Variants in ATXN10 observed in about 807,000 individuals in gnomAD.
ATXN10 encodes ataxin-10.
A neutral mutation model predicts 52.9 loss-of-function variants in ATXN10; 28 were observed. The ratio of observed to expected loss-of-function variants is 0.53; its 90% CI spans 0.39 to 0.73. The LOEUF (loss-of-function observed/expected upper bound fraction) is 0.73. Among genes scored for constraint, ATXN10 ranks in the 30% least tolerant of loss-of-function variants. The probability of loss-of-function intolerance (pLI) is 0.00; values close to 1 mark genes in which losing one functional copy is unlikely to be tolerated. For synonymous variants in ATXN10, 226 were observed against 221.5 expected (o/e 1.02, Z -0.18); for missense variants, 565 against 577.0 (o/e 0.98, Z 0.21).
intron 10 of ATXN10, among the ~76,000 whole-genome samples, chr22:45,834,023 T>G (rs1478605588): frequency 6.6e-6 from 1 of 152,212 alleles, no homozygotes; most frequent in Non-Finnish European, 1.5e-5. Context: ...CATAGAGAGT[T>G]TGTGAGGATT....
At position 45,700,278 on chromosome 22, in the gene ATXN10, T is replaced by G; in HGVS notation, c.392-4T>G. 6.3e-7 allele frequency: 1 copy of G among 1,599,384 alleles called. No homozygotes were observed. On this transcript the variant is annotated splice_region_variant and splice_polypyrimidine_tract_variant and intron_variant, in intron 3 of 11. Coordinates refer to ENST00000252934, the MANE Select transcript of ATXN10 (RefSeq NM_013236.4). ...ATTTATTTATAACTTTTATATATTC[T>G]TAGCTTTTCGCTGTGGCCTGCAGTT...
In ATXN10 at chr22:45,690,263, G is replaced by T. The variant is rs1189263822; in HGVS notation, c.308+360G>T. ...ATTGCTGCAGGCTGGGCCACATTGT[G>T]AGACCCTGTCTCAGGGAAAAAAAAA... is the stretch of plus-strand genomic sequence containing the variant. On this transcript the variant is annotated intron_variant, in intron 2 of 11. Coordinates refer to ENST00000252934, the MANE Select transcript of ATXN10 (RefSeq NM_013236.4). This position sits in a 1 kb window ranked among gnomAD's most constrained non-coding sequence, Gnocchi z 4.5. 1.3e-5 allele frequency among the ~76,000 whole-genome samples: 2 copies of T among 150,608 alleles called. No homozygotes were observed. The highest frequency in any genetic ancestry group is 4.9e-5 in the African/African-American group (2 of 40,844).
intron 9 of ATXN10, among the ~76,000 whole-genome samples, chr22:45,767,622 A>G (rs573100766): frequency 6.6e-6 from 1 of 152,248 alleles, no homozygotes; most frequent in Admixed American, 6.5e-5. Flanking sequence ...GAAATCAGGT[A>G]TATGTTTTAC....
chr22:45,831,783 G>A (rs1020125024), intron 10 of ATXN10, among the ~76,000 whole-genome samples: 12 of 152,136 alleles, frequency 7.9e-5, no homozygotes, highest in African/African-American at 2.7e-4. Context: ...GACATATTGA[G>A]AGATCATTTT....
chr22:45,763,316 T>C lies in ATXN10; in HGVS notation c.1173+22778T>C, dbSNP rs1480720435. ...GAACGAGGGAACTGGCTGGAGAGACTTGGAGGGCTCCTCAGAGATGAGGCT... is the reference window on the plus strand; with the variant it reads ...GAACGAGGGAACTGGCTGGAGAGACCTGGAGGGCTCCTCAGAGATGAGGCT... On this transcript the variant is annotated intron_variant, in intron 9 of 11. Coordinates refer to ENST00000252934, the MANE Select transcript of ATXN10 (RefSeq NM_013236.4). This position sits in a 1 kb window ranked among gnomAD's most constrained non-coding sequence, Gnocchi z 6.9. Among the ~76,000 whole-genome samples, 1 of 152,122 alleles carries C rather than the reference T, an allele frequency of 6.6e-6. No individual in the cohort carries two copies. The highest frequency in any genetic ancestry group is 1.9e-4 in the East Asian group (1 of 5,184).
At chr22:45,745,109 T>C (rs1007388274) in intron 9 of ATXN10, among the ~76,000 whole-genome samples, 1 of 152,266 alleles carries the variant, frequency 6.6e-6, no homozygotes, top group Non-Finnish European at 1.5e-5. Context: ...TGTTTTGGTT[T>C]CTATTGTAAG....
rs1417116277 is a variant in ATXN10 at position 45,689,831 on chromosome 22, A to G, written c.236A>G (p.Gln79Arg). ...GTGGAAAACCTGGCTTCCAGTCTGC[A>G]GTTAATAACAGAATGCTTCAGGTGT... The part of the protein sequence containing the change: ...SQVENLASSL[Q>R]LITECFRCLR... Residue 79 changes from glutamine to arginine, a missense_variant, in exon 2 of 12, where the codon CAG becomes CGG. Physicochemically the swap from Gln to Arg is conservative, Grantham distance 43. Transcript: ENST00000252934. 2 of 1,614,220 alleles carry G rather than the reference A, an allele frequency of 1.2e-6. No homozygotes were observed. Among genetic ancestry groups the G allele is most frequent in the East Asian group, 4.5e-5 (2 of 44,886 alleles).
At chr22:45,741,574 T>A (rs1267518654) in intron 9 of ATXN10, among the ~76,000 whole-genome samples, 3 of 152,056 alleles carry the variant, frequency 2.0e-5, no homozygotes, top group Admixed American at 2.0e-4. Context: ...TGGGAGTAGA[T>A]CCATCCTCAG....
rs1395866766 is a variant in ATXN10 at position 45,690,950 on chromosome 22, A to G, written c.308+1047A>G. Among the ~76,000 whole-genome samples, 1 of 152,180 alleles carries G rather than the reference A, an allele frequency of 6.6e-6. No homozygotes were observed. Among genetic ancestry groups the G allele is most frequent in the Non-Finnish European group, 1.5e-5 (1 of 68,034 alleles). On this transcript the variant is annotated intron_variant, in intron 2 of 11. Transcript: ENST00000252934. This position sits in a 1 kb window ranked among gnomAD's most constrained non-coding sequence, Gnocchi z 4.5. ...CTTCCCTGTCACCACTGTGACGGGT[A>G]AGCTTGGGCTGGTCCAGAAGCCACT...
Position 45,701,319 on chromosome 22 carries a change from C to G in ATXN10, c.488+941C>G, listed in dbSNP as rs1193492371. On this transcript the variant is annotated intron_variant, in intron 4 of 11. Coordinates refer to ENST00000252934, the MANE Select transcript of ATXN10 (RefSeq NM_013236.4). The surrounding 1 kb of genome is among the most constrained non-coding windows in gnomAD (Gnocchi z 4.2). ...AAATGGCAGAGGTAGAGTGTAAACC[C>G]ATTGCTGCCATCTGGATCTAAAGCC... is the stretch of plus-strand genomic sequence containing the variant. Among the ~76,000 whole-genome samples the G allele has an allele frequency of 6.6e-6, 1 of 152,186 alleles. No homozygotes were observed. The highest frequency in any genetic ancestry group is 1.5e-5 in the Non-Finnish European group (1 of 68,036).
chr22:45,789,964 A>G lies in ATXN10; in HGVS notation c.1174-16995A>G, dbSNP rs541576230. ...ATTCATTCCATATTAAGATACTCCAATGAAAGGCCTACATTCATTGTAATA... is the reference window on the plus strand; with the variant it reads ...ATTCATTCCATATTAAGATACTCCAGTGAAAGGCCTACATTCATTGTAATA... On this transcript the variant is annotated intron_variant, in intron 9 of 11. Coordinates refer to ENST00000252934, the MANE Select transcript of ATXN10 (RefSeq NM_013236.4). The surrounding 1 kb of genome is among the most constrained non-coding windows in gnomAD (Gnocchi z 4.0). Among the ~76,000 whole-genome samples, 1 of 152,318 alleles carries G rather than the reference A, an allele frequency of 6.6e-6. No homozygotes were observed. The highest frequency in any genetic ancestry group is 2.4e-5 in the African/African-American group (1 of 41,574).
chr22:45,815,495 T>C (rs966180466), intron 10 of ATXN10, among the ~76,000 whole-genome samples: 14 of 152,216 alleles, frequency 9.2e-5, no homozygotes, highest in Admixed American at 2.6e-4. Flanking sequence ...ATTTATTGAG[T>C]GCTTTTGGTA....
chr22:45,837,324 A>G lies in ATXN10; in HGVS notation c.1238-5667A>G, dbSNP rs1034728916. Among the ~76,000 whole-genome samples, 6 of 152,168 alleles carry G rather than the reference A, an allele frequency of 3.9e-5. No homozygotes were observed. Among genetic ancestry groups the G allele is most frequent in the Non-Finnish European group, 7.3e-5 (5 of 68,032 alleles). ...GCCCAGGCTGCAGTGCAGTGGCGCA[A>G]TCTCGGCTCACTGCAGCCTCTGCCT... On this transcript the variant is annotated intron_variant, in intron 10 of 11. Coordinates refer to ENST00000252934, the MANE Select transcript of ATXN10 (RefSeq NM_013236.4). This position sits in a 1 kb window ranked among gnomAD's most constrained non-coding sequence, Gnocchi z 5.8.
chr22:45,742,023 G>A (rs529862277), intron 9 of ATXN10, among the ~76,000 whole-genome samples: 1 of 152,140 alleles, frequency 6.6e-6, no homozygotes, highest in African/African-American at 2.4e-5. Context: ...CAAACTCTGG[G>A]TGTCAGCTAC....
chr22:45,775,031 G>A lies in ATXN10; in HGVS notation c.1174-31928G>A, dbSNP rs1260584770. ...TTGCCTTTTCCCCATCCCTTTTTCTGGTAGTTTGTAAAACTTTAGTGTTGT... is the reference window on the plus strand; with the variant it reads ...TTGCCTTTTCCCCATCCCTTTTTCTAGTAGTTTGTAAAACTTTAGTGTTGT... On this transcript the variant is annotated intron_variant, in intron 9 of 11. Coordinates refer to ENST00000252934, the MANE Select transcript of ATXN10 (RefSeq NM_013236.4). The surrounding 1 kb of genome is among the most constrained non-coding windows in gnomAD (Gnocchi z 4.7). Among the ~76,000 whole-genome samples, 5 of 152,142 alleles carry A rather than the reference G, an allele frequency of 3.3e-5. No homozygotes were observed. Among genetic ancestry groups the A allele is most frequent in the Non-Finnish European group, 7.4e-5 (5 of 68,026 alleles).
chr22:45,758,569 T>C (rs1926259768), intron 9 of ATXN10, among the ~76,000 whole-genome samples: 1 of 152,232 alleles, frequency 6.6e-6, no homozygotes, highest in Non-Finnish European at 1.5e-5. Context: ...TCCACAACCA[T>C]GGAAGTTCCT....
At position 45,816,148 on chromosome 22, in the gene ATXN10, G is replaced by A. The variant is rs1001556624; in HGVS notation, c.1237+9126G>A. 6.6e-6 allele frequency among the ~76,000 whole-genome samples: 1 copy of A among 152,172 alleles called. No individual in the cohort carries two copies. Among genetic ancestry groups the A allele is most frequent in the Non-Finnish European group, 1.5e-5 (1 of 68,030 alleles). On this transcript the variant is annotated intron_variant, in intron 10 of 11. Coordinates refer to ENST00000252934, the MANE Select transcript of ATXN10 (RefSeq NM_013236.4). The surrounding 1 kb of genome is among the most constrained non-coding windows in gnomAD (Gnocchi z 5.8). ...CGCACCCTTAGTCCCAGCTACTCGG[G>A]AGGCTGAGGCAGGAGAATCGCTTGA...
chr22:45,673,707 G>C (rs2146718677), intron 1 of ATXN10: 1 of 152,302 alleles, frequency 6.6e-6, no homozygotes, highest in South Asian at 2.1e-4. Flanking sequence ...TACAAGAGGT[G>C]GTGGCACAGG....
Position 45,823,091 on chromosome 22 carries a change from T to G in ATXN10, c.1237+16069T>G, listed in dbSNP as rs892123593. On this transcript the variant is annotated intron_variant, in intron 10 of 11. Transcript: ENST00000252934. This position sits in a 1 kb window ranked among gnomAD's most constrained non-coding sequence, Gnocchi z 4.9. ...TAAATAGAGTAAACTGCAAAATTTTTAAGTATACATCTTGACATAAGTACA... is the reference window on the plus strand; with the variant it reads ...TAAATAGAGTAAACTGCAAAATTTTGAAGTATACATCTTGACATAAGTACA... 6.6e-6 allele frequency: 3 copies of G among 455,438 alleles called. No homozygotes were observed. The highest frequency in any genetic ancestry group is 5.1e-5 in the Admixed American group (2 of 38,888). 28.2% of individuals were successfully genotyped at this position (455,438 alleles called of 1,614,324 possible). A position where few individuals can be genotyped will look rare whatever the true frequency, so the allele number is the denominator to read the frequency against.
Sources: gnomAD v4.1 joint callset for allele counts (sites outside exome capture counted in the v4.1 genomes callset) on GRCh38, gnomAD v4.1.1 for gene constraint, Gnocchi (gnomAD v3.1) non-coding constraint, MANE v1.5 for transcripts, NCBI Gene and HGNC (gene_info 2026-07-23, HGNC 2026-07-21) for gene names.